AGBL3: variants seen among roughly 807,000 people sequenced by gnomAD.
The protein encoded by AGBL3 is AGBL carboxypeptidase 3, also known as cytosolic carboxypeptidase 3.
Under a neutral mutation model 94.5 loss-of-function variants are expected in AGBL3, and 68 were observed. The observed-to-expected ratio is 0.72, with a 90% CI of 0.59 to 0.88. The LOEUF is 0.88. Among genes scored for constraint, AGBL3 ranks in the 40% least tolerant of loss-of-function variants. The pLI is 0.00. For missense variants in AGBL3, 934 were observed against 1,103.8 expected, an observed-to-expected ratio of 0.85 and a Z score of 2.18; for synonymous variants, 354 against 370.7, an observed-to-expected ratio of 0.95 and a Z score of 0.52.
At chr7:135,091,378 T>G (rs368744178) in intron 15 of AGBL3, among the ~76,000 whole-genome samples, 1 of 152,330 alleles carries the variant, frequency 6.6e-6, no homozygotes, top group African/African-American at 2.4e-5. Context: ...CAGTCAGCCC[T>G]GTACCCACAT....
intron 4 of AGBL3, chr7:135,010,097 C>T (rs1282869165): frequency 9.6e-6 from 4 of 417,098 alleles, no homozygotes; most frequent in East Asian, 7.7e-5. Flanking sequence ...GGTGCGATCT[C>T]GGCTCACTGC....
At chr7:135,008,184 GA>G (rs1029756373) in intron 4 of AGBL3, among the ~76,000 whole-genome samples, 2 of 150,524 alleles carry the variant, frequency 1.3e-5, no homozygotes, top group Non-Finnish European at 3.0e-5. Context: ...CCAAAAAAAA[GA>G]AAAAAAAACT....
At chr7:135,029,611 A>T (rs1815505755) in intron 5 of AGBL3, among the ~76,000 whole-genome samples, 1 of 152,148 alleles carries the variant, frequency 6.6e-6, no homozygotes, top group Non-Finnish European at 1.5e-5. Context: ...TGTCAGCAAT[A>T]AGACTGTCTT....
intron 12 of AGBL3, 82 bp downstream of exon 12, chr7:135,059,317 A>T (rs1818621303): frequency 1.4e-6 from 1 of 693,744 alleles, no homozygotes; most frequent in Non-Finnish European, 2.3e-6. Context: ...GGCAAAAAAA[A>T]TTGCAGATAT....
chr7:135,091,077 A>AG, intron 15 of AGBL3, among the ~76,000 whole-genome samples: 1 of 152,098 alleles, frequency 6.6e-6, no homozygotes, highest in Non-Finnish European at 1.5e-5. Context: ...GTGTTGATGG[A>AG]GGTTACTGGG....
chr7:134,989,192 T>G, intron 2 of AGBL3, 58 bp from the exon 3 acceptor site: 1 of 1,277,112 alleles, frequency 7.8e-7, no homozygotes. Context: ...GTAAAAAAAT[T>G]CTGGATTTGA....
chr7:135,098,475 T>G (rs938058853), intron 15 of AGBL3, among the ~76,000 whole-genome samples: 2 of 152,206 alleles, frequency 1.3e-5, no homozygotes, highest in Non-Finnish European at 2.9e-5. Flanking sequence ...ATTTTTTTCC[T>G]AAATATTTTC....
intron 11 of AGBL3, among the ~76,000 whole-genome samples, chr7:135,056,620 T>C (rs1818368907): frequency 1.3e-5 from 2 of 151,636 alleles, no homozygotes; most frequent in Non-Finnish European, 1.5e-5. Flanking sequence ...GAATTTAAAA[T>C]TAAAAAAAAA....
At chr7:135,109,035 G>A (rs1359103047) in intron 15 of AGBL3, among the ~76,000 whole-genome samples, 4 of 143,758 alleles carry the variant, frequency 2.8e-5, no homozygotes, top group East Asian at 1.9e-4. Context: ...AGCTCTATAA[G>A]ATCAGTTAGG....
chr7:135,031,832 AT>A (rs1407170483), intron 5 of AGBL3, among the ~76,000 whole-genome samples: 11 of 152,146 alleles, frequency 7.2e-5, no homozygotes, highest in African/African-American at 2.7e-4. Flanking sequence ...CCAGAAGTGT[AT>A]GTCCTCTGGC....
At chr7:135,045,364 G>A in intron 9 of AGBL3, 110 bp from the exon 10 acceptor site, 1 of 852,832 alleles carries the variant, frequency 1.2e-6, no homozygotes, top group East Asian at 2.7e-5. Context: ...AAATCTAAAG[G>A]ATAGGATATG....
chr7:134,988,602 G>A (rs1234108061), intron 2 of AGBL3, among the ~76,000 whole-genome samples: 1 of 151,892 alleles, frequency 6.6e-6, no homozygotes, highest in Non-Finnish European at 1.5e-5. Flanking sequence ...AAGGATTTAT[G>A]GCTTTCTGTG....
chr7:135,067,649 C>A (rs1819473986), intron 12 of AGBL3, among the ~76,000 whole-genome samples: 1 of 152,216 alleles, frequency 6.6e-6, no homozygotes, highest in African/African-American at 2.4e-5. Context: ...GGACCTCCAG[C>A]AAACTCCAAC....
chr7:135,016,731 C>A (rs1813852893), intron 4 of AGBL3, among the ~76,000 whole-genome samples: 1 of 151,978 alleles, frequency 6.6e-6, no homozygotes, highest in East Asian at 1.9e-4. Flanking sequence ...TAAGATTTCC[C>A]AGAGGTGAGA....
chr7:135,113,087 G>T (rs1825869043), intron 15 of AGBL3, among the ~76,000 whole-genome samples: 1 of 152,178 alleles, frequency 6.6e-6, no homozygotes, highest in Admixed American at 6.5e-5. Flanking sequence ...TACATTCAGT[G>T]AATGTTTATT....
intron 5 of AGBL3, 21 bp from the exon 6 acceptor site, chr7:135,032,823 A>G (rs2116431339): frequency 6.5e-6 from 10 of 1,536,386 alleles, no homozygotes; most frequent in Non-Finnish European, 8.8e-6. Context: ...TGACATCTTT[A>G]TGATCTTCTT....
At chr7:135,123,519 T>G (rs1827435125) in intron 16 of AGBL3, among the ~76,000 whole-genome samples, 1 of 152,106 alleles carries the variant, frequency 6.6e-6, no homozygotes, top group Non-Finnish European at 1.5e-5. Flanking sequence ...CAGGCCAATA[T>G]GCAAATTCAG....
chr7:135,076,297 A>G (rs1274793144), intron 12 of AGBL3, 100 bp from the exon 13 acceptor site: 11 of 921,630 alleles, frequency 1.2e-5, no homozygotes, highest in Non-Finnish European at 1.7e-5. Context: ...AGTACTTCTC[A>G]TCTTCTTAGA....
At chr7:135,038,538 T>C (rs1031650797) in intron 8 of AGBL3, among the ~76,000 whole-genome samples, 13 of 152,240 alleles carry the variant, frequency 8.5e-5, no homozygotes, top group Admixed American at 2.0e-4. Flanking sequence ...GTGCCTTAGA[T>C]GAAATGGACC....
Sources: gnomAD v4.1 joint callset for allele counts (sites outside exome capture counted in the v4.1 genomes callset) on GRCh38, gnomAD v4.1.1 for gene constraint, MANE v1.5 for transcripts, NCBI Gene and HGNC (gene_info 2026-07-23, HGNC 2026-07-21) for gene names.